Variants in PCDH15 observed in about 807,000 individuals in gnomAD.
The protein encoded by PCDH15 is protocadherin-15.
In PCDH15, 129 loss-of-function variants were observed where a neutral mutation model predicts 178.5. The observed-to-expected ratio is 0.72, with a 90% CI of 0.63 to 0.84. The LOEUF is 0.84. PCDH15 is among the 40% of genes least tolerant of loss of function. The probability of loss-of-function intolerance (pLI) is 0.00; values close to 1 mark genes in which losing one functional copy is unlikely to be tolerated. For missense variants in PCDH15, 2,230 were observed against 2,099.9 expected, an observed-to-expected ratio of 1.06 and a Z score of -1.21; for synonymous variants, 800 against 732.0, an observed-to-expected ratio of 1.09 and a Z score of -1.50.
At chr10:55,590,398 C>A (rs1268283640) in intron 2 of PCDH15, among the ~76,000 whole-genome samples, 1 of 151,562 alleles carries the variant, frequency 6.6e-6, no homozygotes, top group Non-Finnish European at 1.5e-5. Context: ...ACCAGCATGG[C>A]ACATGTATAC....
intron 2 of PCDH15, among the ~76,000 whole-genome samples, chr10:55,016,251 A>C (rs1014135923): frequency 4.6e-5 from 7 of 152,244 alleles, no homozygotes; most frequent in Non-Finnish European, 7.4e-5. Context: ...TCTTTGTGTT[A>C]AAAACAATCC....
At chr10:53,940,486 G>C (rs2085958118) in intron 24 of PCDH15, among the ~76,000 whole-genome samples, 1 of 152,056 alleles carries the variant, frequency 6.6e-6, no homozygotes, top group South Asian at 2.1e-4. Flanking sequence ...ATGGAGTAAG[G>C]GTCATGGATG....
At chr10:55,365,294 G>A (rs1344580981) in intron 2 of PCDH15, among the ~76,000 whole-genome samples, 1 of 152,114 alleles carries the variant, frequency 6.6e-6, no homozygotes, top group African/African-American at 2.4e-5. Context: ...TTTGATGTAT[G>A]TTATTTCTAA....
chr10:54,197,781 A>G (rs2049823010), intron 10 of PCDH15, among the ~76,000 whole-genome samples: 1 of 152,204 alleles, frequency 6.6e-6, no homozygotes, highest in African/African-American at 2.4e-5. Context: ...AAATATTACA[A>G]TATATTTTCC....
intron 2 of PCDH15, among the ~76,000 whole-genome samples, chr10:55,082,581 T>C (rs1591888488): frequency 1.5e-5 from 1 of 68,528 alleles, no homozygotes; most frequent in East Asian, 9.6e-4. Flanking sequence ...GAAATTGAAA[T>C]GAAAAAAAAA....
chr10:54,689,103 A>G (rs918739614), intron 1 of PCDH15, among the ~76,000 whole-genome samples: 1 of 151,938 alleles, frequency 6.6e-6, no homozygotes, highest in Non-Finnish European at 1.5e-5. Flanking sequence ...TTCACATTCA[A>G]TTTTTCTTTC....
intron 1 of PCDH15, among the ~76,000 whole-genome samples, chr10:55,250,533 T>C (rs1268041829): frequency 1.7e-4 from 24 of 143,672 alleles, no homozygotes; most frequent in Admixed American, 1.1e-3. Flanking sequence ...TTAAATAAAT[T>C]CTTTTTTTTT....
At chr10:55,249,453 GAC>G (rs1355238523) in intron 1 of PCDH15, among the ~76,000 whole-genome samples, 1 of 152,058 alleles carries the variant, frequency 6.6e-6, no homozygotes, top group Non-Finnish European at 1.5e-5. Flanking sequence ...AAAAGGGAAA[GAC>G]AATACAAATT....
Position 54,296,700 on chromosome 10 carries a change from C to G in PCDH15, c.876+20571G>C, listed in dbSNP as rs145839782. ...TATCTTATCTGGAATTTTAGGACCC[C>G]TCCTCAGGCTAGCAGGCCTAACAAA... On this transcript the variant is annotated intron_variant, in intron 8 of 37. Coordinates refer to ENST00000644397, the MANE Select transcript of PCDH15 (RefSeq NM_001384140.1). 2.4e-4 allele frequency among the ~76,000 whole-genome samples: 37 copies of G among 152,252 alleles called. No homozygotes were observed. The East Asian group carries it at 7.0e-3, about 29-fold the overall frequency.
chr10:54,157,272 G>A (rs1051869819), intron 13 of PCDH15, among the ~76,000 whole-genome samples: 2 of 152,342 alleles, frequency 1.3e-5, no homozygotes, highest in African/African-American at 2.4e-5. Context: ...GCAAACTTTT[G>A]TCTGGGCAAC....
intron 2 of PCDH15, among the ~76,000 whole-genome samples, chr10:55,102,520 T>C (rs1187643807): frequency 1.3e-5 from 2 of 152,114 alleles, no homozygotes; most frequent in Admixed American, 6.6e-5. Context: ...AGAACAATTA[T>C]AAAAAGACTA....
chr10:53,850,040 T>G (rs1415863308), intron 28 of PCDH15, among the ~76,000 whole-genome samples: 5 of 151,998 alleles, frequency 3.3e-5, no homozygotes, highest in African/African-American at 1.2e-4. Flanking sequence ...AAGTAAACAA[T>G]TTACTCATAT....
chr10:53,891,066 A>C (rs1350484726), intron 26 of PCDH15, among the ~76,000 whole-genome samples: 1 of 137,936 alleles, frequency 7.2e-6, no homozygotes, highest in Non-Finnish European at 1.6e-5. Context: ...ATGAATAAAC[A>C]ATTTTTAAAA....
At chr10:54,444,517 C>A (rs1389071467) in intron 3 of PCDH15, among the ~76,000 whole-genome samples, 2 of 151,644 alleles carry the variant, frequency 1.3e-5, no homozygotes, top group South Asian at 2.1e-4. Flanking sequence ...AGATTTTATT[C>A]TGTAAATTGC....
At chr10:55,202,253 G>A (rs539342436) in intron 1 of PCDH15, among the ~76,000 whole-genome samples, 10 of 152,162 alleles carry the variant, frequency 6.6e-5, no homozygotes, top group Admixed American at 1.3e-4. Context: ...CCAAGATGGC[G>A]AGTCAAAAAG....
At chr10:54,651,440 C>G (rs568517990) in intron 2 of PCDH15, among the ~76,000 whole-genome samples, 8 of 152,096 alleles carry the variant, frequency 5.3e-5, no homozygotes, top group Admixed American at 5.2e-4. Context: ...TAGAGATTAG[C>G]GGTTCACTGT....
chr10:53,951,785 GCTT>G (rs2087078911), intron 23 of PCDH15, among the ~76,000 whole-genome samples: 1 of 152,182 alleles, frequency 6.6e-6, no homozygotes, highest in Non-Finnish European at 1.5e-5. Flanking sequence ...GCTTCACTTG[GCTT>G]CTTCTACCGG....
At chr10:54,916,529 TGTTTA>T (rs1837341647) in intron 2 of PCDH15, among the ~76,000 whole-genome samples, 2 of 152,196 alleles carry the variant, frequency 1.3e-5, no homozygotes, top group African/African-American at 4.8e-5. Flanking sequence ...TGGGGTGATT[TGTTTA>T]AAACAAAACA....
intron 5 of PCDH15, among the ~76,000 whole-genome samples, chr10:54,361,432 C>T (rs1013105642): frequency 4.6e-5 from 7 of 152,032 alleles, no homozygotes; most frequent in Non-Finnish European, 7.4e-5. Context: ...TTGTCATCAT[C>T]GTTCCTACCA....
Sources: allele counts gnomAD v4.1 joint callset (sites outside exome capture counted in the v4.1 genomes callset), GRCh38; gene constraint gnomAD v4.1.1; transcripts MANE v1.5; gene names NCBI Gene and HGNC (gene_info 2026-07-23, HGNC 2026-07-21).